The following ENOPH1 variants were observed in gnomAD, a reference collection of about 807,000 sequenced individuals.
ENOPH1 encodes the protein enolase-phosphatase 1.
ENOPH1 carries 14 observed loss-of-function variants against 31.1 expected under a neutral mutation model. The observed-to-expected ratio is 0.45, with a 90% confidence interval of 0.30 to 0.70. ENOPH1 has a LOEUF of 0.70. Ranked by LOEUF, ENOPH1 falls within the 30% of genes least tolerant of loss-of-function variation. The pLI, the probability that ENOPH1 is intolerant of heterozygous loss-of-function variation, is 0.09. For synonymous variants in ENOPH1, 127 were observed against 123.2 expected (o/e 1.03, Z -0.21); for missense variants, 243 against 321.5 (o/e 0.76, Z 1.87).
intron 5 of ENOPH1, among the ~76,000 whole-genome samples, chr4:82,459,535 C>G (rs185938493): frequency 6.6e-6 from 1 of 152,194 alleles, no homozygotes; most frequent in African/African-American, 2.4e-5. Context: ...TCAAGTCTGG[C>G]GTTCAAGTGA....
At position 82,451,218 on chromosome 4, in the gene ENOPH1, C is replaced by T. The variant is rs1487304047; in HGVS notation, c.362C>T (p.Ala121Val). 6.2e-7 allele frequency: 1 copy of T among 1,614,196 alleles called. No individual in the cohort carries two copies. Among genetic ancestry groups the T allele is most frequent in the South Asian group, 1.1e-5 (1 of 91,090 alleles). Reference protein sequence around the residue: ...KQLQGHMWRAAFTAGRMKAEF... With the variant: ...KQLQGHMWRAVFTAGRMKAEF... ...CTGCAGGGCCACATGTGGAGGGCGG[C>T]ATTCACAGCTGGGCGCATGAAAGCA... Residue 121 changes from alanine (A) to valine (V), a missense_variant, in exon 3 of 6, where the codon GCA becomes GTA. Coordinates refer to ENST00000273920, the MANE Select transcript of ENOPH1 (RefSeq NM_021204.5).
At chr4:82,448,865 C>T (rs1042407659) in intron 2 of ENOPH1, among the ~76,000 whole-genome samples, 27 of 150,616 alleles carry the variant, frequency 1.8e-4, no homozygotes, top group Non-Finnish European at 3.1e-4. Context: ...GAGACCATCT[C>T]GGCTAAAACG....
chr4:82,455,624 CA>C (rs5859823), intron 4 of ENOPH1, among the ~76,000 whole-genome samples: 99,454 of 148,264 alleles, frequency 0.67, 34,411 homozygotes, highest in African/African-American at 0.86. Context: ...ACTAAAAATA[CA>C]AAAAAAAAAA....
chr4:82,456,215 CTTTT>C (rs5859824), intron 4 of ENOPH1, among the ~76,000 whole-genome samples: 8 of 138,974 alleles, frequency 5.8e-5, no homozygotes, highest in Admixed American at 7.1e-5. Context: ...CTTAAAATTA[CTTTT>C]TTTTTTTTTT....
At chr4:82,441,238 T>TA (rs1560463932) in intron 1 of ENOPH1, among the ~76,000 whole-genome samples, 1 of 152,178 alleles carries the variant, frequency 6.6e-6, no homozygotes, top group Non-Finnish European at 1.5e-5. Context: ...TGGGGAGGCC[T>TA]CACAATCATG....
intron 5 of ENOPH1, among the ~76,000 whole-genome samples, chr4:82,459,536 G>T (rs574777878): frequency 6.6e-6 from 1 of 152,002 alleles, no homozygotes; most frequent in African/African-American, 2.4e-5. Context: ...CAAGTCTGGC[G>T]TTCAAGTGAA....
intron 1 of ENOPH1, among the ~76,000 whole-genome samples, chr4:82,446,586 A>T (rs1439504659): frequency 6.6e-6 from 1 of 151,684 alleles, no homozygotes; most frequent in East Asian, 1.9e-4. Context: ...GCGGAGGTAG[A>T]AGCCTGACTG....
At chr4:82,446,687 ATCT>A (rs1722196072) in intron 1 of ENOPH1, among the ~76,000 whole-genome samples, 1 of 95,798 alleles carries the variant, frequency 1.0e-5, no homozygotes, top group African/African-American at 6.2e-5. Context: ...GTGTGACGGA[ATCT>A]TTTTTTTTTT....
Position 82,436,641 on chromosome 4 carries a change from C to T in ENOPH1, c.84+5728C>T, listed in dbSNP as rs560089004. Among the ~76,000 whole-genome samples, 3 of 149,910 alleles carry T rather than the reference C, an allele frequency of 2.0e-5. No individual in the cohort carries two copies. The East Asian group carries it at 5.9e-4, about 29-fold the overall frequency. ...GGTCAAGGCTGCAGTAAGCCATGAT[C>T]GTGCCACTGCAGTCCAGCCTGGATG... On this transcript the variant is annotated intron_variant, in intron 1 of 5. Transcript: ENST00000273920.
chr4:82,449,306 C>T (rs989559248), intron 2 of ENOPH1, among the ~76,000 whole-genome samples: 3 of 152,142 alleles, frequency 2.0e-5, no homozygotes, highest in Non-Finnish European at 4.4e-5. Context: ...TTTTTATTAA[C>T]GTCTCTATAT....
At chr4:82,435,162 C>A (rs1578092121) in intron 1 of ENOPH1, among the ~76,000 whole-genome samples, 1 of 152,280 alleles carries the variant, frequency 6.6e-6, no homozygotes, top group East Asian at 1.9e-4. Flanking sequence ...AGTACAGTGG[C>A]ACGATCACAG....
intron 1 of ENOPH1, among the ~76,000 whole-genome samples, chr4:82,440,742 CAG>C (rs1273961402): frequency 2.0e-5 from 3 of 152,172 alleles, no homozygotes; most frequent in African/African-American, 7.2e-5. Flanking sequence ...AATTAGATAA[CAG>C]TGTATCTTTT....
Position 82,441,481 on chromosome 4 carries a change from G to A in ENOPH1, c.85-6439G>A, listed in dbSNP as rs377388057. Among the ~76,000 whole-genome samples the A allele has an allele frequency of 3.9e-5, 6 of 152,164 alleles. No homozygotes were observed. The East Asian group carries it at 1.2e-3, about 29-fold the overall frequency. ...GCTAAAAATACAAAAAATTGGCCGG[G>A]TGTGGTGGCAGGCGTGGTGGCGGGT... is the stretch of plus-strand genomic sequence containing the variant. On this transcript the variant is annotated intron_variant, in intron 1 of 5. Coordinates refer to ENST00000273920, the MANE Select transcript of ENOPH1 (RefSeq NM_021204.5).
chr4:82,460,955 T>A lies in ENOPH1; in HGVS notation c.*835T>A, dbSNP rs1003357705. On this transcript the variant is annotated 3_prime_UTR_variant, in exon 6 of 6. Coordinates refer to ENST00000273920, the MANE Select transcript of ENOPH1 (RefSeq NM_021204.5). ...CAGTCCATAACATTAAGATGAGCCC[T>A]AATATGTAAGATTTTCCTCTGGAAT... The A allele has an allele frequency of 3.3e-5, 5 of 151,950 alleles. No homozygotes were observed. The highest frequency in any genetic ancestry group is 7.4e-5 in the Non-Finnish European group (5 of 67,812). 9.4% of individuals were successfully genotyped at this position (151,950 alleles called of 1,614,324 possible). A position where few individuals can be genotyped will look rare whatever the true frequency, so the allele number is the denominator to read the frequency against.
chr4:82,454,851 T>C lies in ENOPH1; in HGVS notation c.519T>C (p.Leu173=). The C allele has an allele frequency of 6.2e-7, 1 of 1,611,560 alleles. No homozygotes were observed. Among genetic ancestry groups the C allele is most frequent in the Non-Finnish European group, 8.5e-7 (1 of 1,179,380 alleles). Residue 173 remains leucine, a synonymous_variant, in exon 4 of 6, where the codon CTT becomes CTC. Transcript: ENST00000273920. ...GGCATTCTACGGAGGGAGATATTCT[T>C]GAGGTAGGTTACCTAGTTTACTTTG... ...LFGHSTEGDI[L]ELVDGHFDTK...
chr4:82,453,104 T>TGTTAGCCAGG (rs1722396225), intron 3 of ENOPH1, among the ~76,000 whole-genome samples: 1 of 151,936 alleles, frequency 6.6e-6, no homozygotes, highest in Non-Finnish European at 1.5e-5. Flanking sequence ...TGTTTCACCG[T>TGTTAGCCAGG]GTTAGCCAGG....
chr4:82,430,757 GC>G lies in ENOPH1; in HGVS notation c.-71del, dbSNP rs1721716969. On this transcript the variant is annotated 5_prime_UTR_variant, in exon 1 of 6. Transcript: ENST00000273920. ...CCGGAAGCCCAAGACGGTACCGGGG[GC>G]CGCAGCCGCAGCCGGCGCCGCCCTC... is the stretch of plus-strand genomic sequence containing the variant. 1 of 1,449,134 alleles carries G rather than the reference GC, an allele frequency of 6.9e-7. No homozygotes were observed. The highest frequency in any genetic ancestry group is 1.7e-5 in the Admixed American group (1 of 58,630). The allele number at this position is 1,449,134 out of a possible 1,614,324, so 89.8% of individuals were successfully genotyped here. A position where few individuals can be genotyped will look rare whatever the true frequency, so the allele number is the denominator to read the frequency against.
chr4:82,440,611 C>A (rs979898597), intron 1 of ENOPH1, among the ~76,000 whole-genome samples: 2 of 152,178 alleles, frequency 1.3e-5, no homozygotes. Context: ...CAGTCAAGTT[C>A]CCTTTCTGGA....
chr4:82,454,051 A>T (rs1409297725), intron 3 of ENOPH1, among the ~76,000 whole-genome samples: 5 of 1,810 alleles, frequency 2.8e-3, no homozygotes, highest in Non-Finnish European at 3.8e-3. Context: ...ACAAAAAATT[A>T]AAAAAAAAAA....
Sources: gnomAD v4.1 joint callset for allele counts (sites outside exome capture counted in the v4.1 genomes callset) on GRCh38, gnomAD v4.1.1 for gene constraint, MANE v1.5 for transcripts, NCBI Gene and HGNC (gene_info 2026-07-23, HGNC 2026-07-21) for gene names.